The following PLA2R1 variants were observed in gnomAD, a reference collection of about 807,000 sequenced individuals.
PLA2R1 encodes the protein secretory phospholipase A2 receptor.
In PLA2R1, 158 loss-of-function variants were observed where a neutral mutation model predicts 195.9. The ratio of observed to expected loss-of-function variants is 0.81; its 90% CI spans 0.71 to 0.92. The LOEUF is 0.92. PLA2R1 is among the 40% of genes least tolerant of loss of function. The pLI is 0.00. For missense variants in PLA2R1, 1,626 were observed against 1,764.6 expected (o/e 0.92, Z 1.41); for synonymous variants, 586 against 598.2 (o/e 0.98, Z 0.30).
intron 4 of PLA2R1, among the ~76,000 whole-genome samples, chr2:160,032,205 T>C (rs1693897929): frequency 6.6e-6 from 1 of 152,258 alleles, no homozygotes; most frequent in African/African-American, 2.4e-5. Context: ...TCTTTCTATA[T>C]ACCTGAATTT....
At chr2:159,970,595 G>A (rs1257310048) in intron 17 of PLA2R1, among the ~76,000 whole-genome samples, 1 of 152,106 alleles carries the variant, frequency 6.6e-6, no homozygotes, top group Admixed American at 6.6e-5. Context: ...TATGTCACAT[G>A]TATTTGAAAA....
chr2:160,002,507 G>T (rs1013304506), intron 11 of PLA2R1, among the ~76,000 whole-genome samples: 3 of 151,946 alleles, frequency 2.0e-5, no homozygotes, highest in African/African-American at 7.2e-5. Context: ...TACAAATGAA[G>T]AAATGTGGAC....
chr2:160,051,125 C>A (rs1378390922), intron 1 of PLA2R1, among the ~76,000 whole-genome samples: 1 of 152,292 alleles, frequency 6.6e-6, no homozygotes, highest in Non-Finnish European at 1.5e-5. Flanking sequence ...TTTAGGCAAA[C>A]AAAGGACTTT....
At chr2:160,026,992 G>A (rs1693563500) in intron 6 of PLA2R1, among the ~76,000 whole-genome samples, 1 of 152,182 alleles carries the variant, frequency 6.6e-6, no homozygotes, top group African/African-American at 2.4e-5. Context: ...AATTAGCCGG[G>A]CGTGGTGGCA....
intron 3 of PLA2R1, among the ~76,000 whole-genome samples, chr2:160,036,500 C>T (rs1219817913): frequency 1.3e-5 from 2 of 152,172 alleles, no homozygotes; most frequent in Non-Finnish European, 2.9e-5. Flanking sequence ...TGAGCTGGCA[C>T]ACTGCAGTTT....
chr2:160,009,242 G>A (rs1413484817), intron 10 of PLA2R1, among the ~76,000 whole-genome samples: 3 of 152,206 alleles, frequency 2.0e-5, no homozygotes, highest in Non-Finnish European at 4.4e-5. Flanking sequence ...GGACTCGAAG[G>A]GTATTTGTAC....
intron 29 of PLA2R1, 30 bp from the exon 30 acceptor site, chr2:159,942,022 AAAAACTTCAGTGGC>A (rs778210745): frequency 1.3e-6 from 2 of 1,594,928 alleles, no homozygotes; most frequent in Non-Finnish European, 1.7e-6. Context: ...TTAAAAAAAG[AAAAACTTCAGTGGC>A]GATGAAGTAA....
chr2:159,987,219 T>A lies in PLA2R1; in HGVS notation c.1974A>T (p.Arg658Ser), dbSNP rs1690411049. ...CCAAATAGCAGGGGTGAAAGGGCCATCTCTCTTCATACTCTGCTTTTTCCT... is the reference window on the plus strand; with the variant it reads ...CCAAATAGCAGGGGTGAAAGGGCCAACTCTCTTCATACTCTGCTTTTTCCT... ...ENQEKAEYEE[R>S]WPFHPCYLDW... The change falls in exon 12 of 30, where the codon AGA (arginine) becomes AGT (serine). Residue 658 changes from arginine to serine, a missense_variant. Physicochemically the swap from Arg to Ser is moderately radical, Grantham distance 110 (BLOSUM62 -1). Coordinates refer to ENST00000283243, the MANE Select transcript of PLA2R1 (RefSeq NM_007366.5). 6.2e-7 allele frequency: 1 copy of A among 1,613,716 alleles called. No homozygotes were observed. The highest frequency in any genetic ancestry group is 8.5e-7 in the Non-Finnish European group (1 of 1,179,938).
chr2:159,970,008 T>C (rs1237938156), intron 18 of PLA2R1, 140 bp downstream of exon 18: 3 of 573,594 alleles, frequency 5.2e-6, no homozygotes, highest in Non-Finnish European at 9.1e-6. Context: ...AAAACACTCA[T>C]GTCTTTGGTT....
Position 160,052,920 on chromosome 2 carries a change from AAAACAAACAAAAAAAC to A in PLA2R1, c.110-7779_110-7764del, listed in dbSNP as rs1036803997. Among the ~76,000 whole-genome samples, 16 of 124,134 alleles carry A rather than the reference AAAACAAACAAAAAAAC, an allele frequency of 1.3e-4. No individual in the cohort carries two copies. The East Asian group carries it at 5.3e-3, about 41-fold the overall frequency. The allele number at this position is 124,134 out of a possible 152,430, so 81.4% of individuals were successfully genotyped here. On this transcript the variant is annotated intron_variant, in intron 1 of 29. Coordinates refer to ENST00000283243, the MANE Select transcript of PLA2R1 (RefSeq NM_007366.5). ...CTAAAGTGCAAGGTAGAAATGTTAA[AAAACAAACAAAAAAAC>A]AAACAAACAAACAACTTTTAGTGGT...
intron 3 of PLA2R1, among the ~76,000 whole-genome samples, chr2:160,040,950 T>C (rs1161106487): frequency 6.6e-6 from 1 of 152,222 alleles, no homozygotes; most frequent in Non-Finnish European, 1.5e-5. Context: ...ACAATAATCC[T>C]AATAGGTACT....
chr2:160,034,326 TG>T (rs1359628548), intron 3 of PLA2R1, among the ~76,000 whole-genome samples: 2 of 152,048 alleles, frequency 1.3e-5, no homozygotes, highest in East Asian at 3.9e-4. Flanking sequence ...GACTGATACA[TG>T]TGTTTATAGA....
At chr2:160,028,699 T>C (rs1693670617) in intron 5 of PLA2R1, 151 bp downstream of exon 5, 1 of 610,520 alleles carries the variant, frequency 1.6e-6, no homozygotes, top group South Asian at 2.1e-5. Context: ...TTTTCTTGTT[T>C]GGAAAAGCTT....
intron 1 of PLA2R1, among the ~76,000 whole-genome samples, chr2:160,053,120 A>G (rs1695317815): frequency 6.6e-6 from 1 of 152,138 alleles, no homozygotes; most frequent in African/African-American, 2.4e-5. Flanking sequence ...TCCAAGGGCT[A>G]TGAGGGAAGG....
In PLA2R1 at chr2:160,005,971, T is replaced by C; in HGVS notation, c.1665-150A>G. The C allele has an allele frequency of 7.9e-6, 5 of 635,416 alleles. No homozygotes were observed. In the South Asian group the frequency reaches 9.5e-5, roughly 12 times the overall value. 39.4% of individuals were successfully genotyped at this position (635,416 alleles called of 1,614,324 possible). A position where few individuals can be genotyped will look rare whatever the true frequency, so the allele number is the denominator to read the frequency against. ...GGAACAGGAAAACACCCAAAGACCC[T>C]GAACATTACTAATAAATGCCGAATG... is the stretch of plus-strand genomic sequence containing the variant. On this transcript the variant is annotated intron_variant, in intron 10 of 29. Coordinates refer to ENST00000283243, the MANE Select transcript of PLA2R1 (RefSeq NM_007366.5).
intron 16 of PLA2R1, among the ~76,000 whole-genome samples, 200 bp downstream of exon 16, chr2:159,976,485 A>T (rs3749114): frequency 0.39 from 58,962 of 152,098 alleles, 14,275 homozygotes; most frequent in Non-Finnish European, 0.54. Context: ...ATGTCATGAA[A>T]ATGATTGATG....
rs542278714 is a variant in PLA2R1, at chr2:159,946,591, T to C, written c.3967+210A>G. 5.7e-5 allele frequency: 72 copies of C among 1,257,192 alleles called. 1 individual carries two copies. The highest frequency in any genetic ancestry group is 8.3e-5 in the Admixed American group (2 of 24,146). 77.9% of individuals were successfully genotyped at this position (1,257,192 alleles called of 1,614,324 possible). On this transcript the variant is annotated intron_variant, in intron 27 of 29. Transcript: ENST00000283243. Reference sequence around the variant, plus strand: ...AAGATAAACATGTTATTGTTTGTTTTTATTTTTGGTGTTCTGGGATTATTT... The same window carrying C: ...AAGATAAACATGTTATTGTTTGTTTCTATTTTTGGTGTTCTGGGATTATTT...
At chr2:159,970,294 C>G (rs1689075754) in intron 17 of PLA2R1, 82 bp from the exon 18 acceptor site, 2 of 846,466 alleles carry the variant, frequency 2.4e-6, no homozygotes, top group Non-Finnish European at 3.8e-6. Context: ...CTGCTAATAG[C>G]TTTCTATTCT....
At position 159,949,716 on chromosome 2, in the gene PLA2R1, C is replaced by T; in HGVS notation, c.3601G>A (p.Glu1201Lys). The change falls in exon 25 of 30, where the codon GAG becomes AAG. Residue 1201 changes from glutamate to lysine, a missense_variant. Transcript: ENST00000283243. ...CAGTCACCAAGGAGGGAGGACTCCT[C>T]ATCTTTCCAAAAAGTGAAAGAAGAT... ...TKSSFTFWKD[E>K]ESSLLGDCVF... 2 of 1,613,832 alleles carry T rather than the reference C, an allele frequency of 1.2e-6. No individual in the cohort carries two copies. The highest frequency in any genetic ancestry group is 1.7e-6 in the Non-Finnish European group (2 of 1,179,720).
Sources: allele counts gnomAD v4.1 joint callset (sites outside exome capture counted in the v4.1 genomes callset), GRCh38; gene constraint gnomAD v4.1.1; transcripts MANE v1.5; gene names NCBI Gene and HGNC (gene_info 2026-07-23, HGNC 2026-07-21).